Variants in GNB4 observed in about 807,000 individuals in gnomAD.
GNB4 encodes the protein G protein subunit beta 4.
GNB4 carries 28 observed loss-of-function variants against 45.2 expected under a neutral mutation model. The ratio of observed to expected loss-of-function variants is 0.62; its 90% CI spans 0.46 to 0.85. The LOEUF is 0.85. Ranked by LOEUF, GNB4 falls within the 40% of genes least tolerant of loss-of-function variation. The pLI, the probability that GNB4 is intolerant of heterozygous loss-of-function variation, is 0.00. For missense variants in GNB4, 321 were observed against 425.4 expected, an observed-to-expected ratio of 0.75 and a Z score of 2.16; for synonymous variants, 132 against 143.7, an observed-to-expected ratio of 0.92 and a Z score of 0.58.
intron 1 of GNB4, among the ~76,000 whole-genome samples, chr3:179,430,653 T>C (rs1046047172): frequency 2.0e-5 from 3 of 149,350 alleles, no homozygotes; most frequent in African/African-American, 7.4e-5. Context: ...AATAGTGTCT[T>C]GCTATGTTGC....
chr3:179,474,580 C>T, the GNB4 span, among the ~76,000 whole-genome samples: 1 of 151,954 alleles, frequency 6.6e-6, no homozygotes, highest in African/African-American at 2.4e-5. Context: ...GAAAACAATA[C>T]ATTTTTTGCT....
intron 4 of GNB4, among the ~76,000 whole-genome samples, chr3:179,417,920 A>C (rs903776729): frequency 1.6e-4 from 24 of 152,128 alleles, no homozygotes; most frequent in African/African-American, 5.6e-4. Flanking sequence ...ATTCTTTAGA[A>C]ATCAATTGGC....
At chr3:179,524,412 G>A in the GNB4 span, among the ~76,000 whole-genome samples, 1 of 152,260 alleles carries the variant, frequency 6.6e-6, no homozygotes, top group African/African-American at 2.4e-5. Context: ...TGATGGAGGA[G>A]GTCCTGTAGG....
chr3:179,504,672 G>A, the GNB4 span, among the ~76,000 whole-genome samples: 1 of 152,200 alleles, frequency 6.6e-6, no homozygotes, highest in African/African-American at 2.4e-5. Flanking sequence ...AGCTGCCCCT[G>A]ATAATAGAGT....
the GNB4 span, among the ~76,000 whole-genome samples, chr3:179,513,128 T>G: frequency 6.6e-6 from 1 of 151,830 alleles, no homozygotes; most frequent in Non-Finnish European, 1.5e-5. Flanking sequence ...TGGGTTGTAT[T>G]ACATATACTT....
chr3:179,439,739 C>T (rs1043269485), intron 1 of GNB4, among the ~76,000 whole-genome samples: 5 of 152,176 alleles, frequency 3.3e-5, no homozygotes, highest in African/African-American at 7.2e-5. Context: ...AATGTTTTCC[C>T]CTACCGATTT....
intron 4 of GNB4, among the ~76,000 whole-genome samples, chr3:179,419,056 TAG>T (rs1714899124): frequency 6.6e-6 from 1 of 152,250 alleles, no homozygotes. Flanking sequence ...AACTTGCACA[TAG>T]GTGTTCAATA....
intron 4 of GNB4, among the ~76,000 whole-genome samples, chr3:179,416,939 A>G (rs543091857): frequency 6.9e-4 from 105 of 152,330 alleles, no homozygotes; most frequent in African/African-American, 2.5e-3. Context: ...AAAAACACCA[A>G]TTGAGAGCCT....
At chr3:179,473,726 G>A in the GNB4 span, among the ~76,000 whole-genome samples, 2 of 152,120 alleles carry the variant, frequency 1.3e-5, no homozygotes, top group African/African-American at 2.4e-5. Context: ...CTAACTTCCC[G>A]TAGTTTACCC....
At chr3:179,503,500 G>C in the GNB4 span, among the ~76,000 whole-genome samples, 2 of 152,146 alleles carry the variant, frequency 1.3e-5, no homozygotes, top group African/African-American at 4.8e-5. Context: ...AAAGTATGCT[G>C]GTCTTCAATA....
chr3:179,521,003 A>C, the GNB4 span, among the ~76,000 whole-genome samples: 1 of 151,434 alleles, frequency 6.6e-6, no homozygotes, highest in African/African-American at 2.4e-5. Context: ...CTATTCTACT[A>C]CCCCTCAGAG....
chr3:179,420,872 G>T lies in GNB4; in HGVS notation c.96+17C>A, dbSNP rs1298086723. On this transcript the variant is annotated intron_variant, in intron 3 of 9. Coordinates refer to ENST00000232564, the MANE Select transcript of GNB4 (RefSeq NM_021629.4). Reference sequence around the variant, plus strand: ...TTATGAGTTACCAAAATGAAATAAAGAAAAACAAAACTTTACCTGAACAAG... The same window carrying T: ...TTATGAGTTACCAAAATGAAATAAATAAAAACAAAACTTTACCTGAACAAG... 3.2e-6 allele frequency: 5 copies of T among 1,543,250 alleles called. No individual in the cohort carries two copies. Among genetic ancestry groups the T allele is most frequent in the Admixed American group, 3.5e-5 (2 of 57,908 alleles).
the GNB4 span, among the ~76,000 whole-genome samples, chr3:179,458,156 G>T: frequency 3.9e-5 from 6 of 152,136 alleles, no homozygotes; most frequent in East Asian, 1.2e-3. Flanking sequence ...ACCCGCCTCG[G>T]TCTCCCAAAG....
At chr3:179,489,910 A>G in the GNB4 span, among the ~76,000 whole-genome samples, 4 of 152,230 alleles carry the variant, frequency 2.6e-5, no homozygotes, top group African/African-American at 9.6e-5. Flanking sequence ...ACAACACTTT[A>G]AACCCTATAA....
chr3:179,405,619 G>A (rs1032804933), intron 8 of GNB4: 11 of 505,810 alleles, frequency 2.2e-5, no homozygotes, highest in African/African-American at 1.7e-4. Context: ...AAAGTACACA[G>A]CCCATTGTTC....
the GNB4 span, among the ~76,000 whole-genome samples, chr3:179,472,812 CT>C: frequency 2.6e-5 from 4 of 152,130 alleles, no homozygotes; most frequent in Non-Finnish European, 5.9e-5. Context: ...CACTTTTTTC[CT>C]ACTCACTGCC....
chr3:179,469,836 A>G, the GNB4 span, among the ~76,000 whole-genome samples: 1 of 152,228 alleles, frequency 6.6e-6, no homozygotes, highest in Non-Finnish European at 1.5e-5. Context: ...GCAAAAACAT[A>G]CTAATGTTAA....
At chr3:179,476,608 G>T in the GNB4 span, among the ~76,000 whole-genome samples, 9 of 152,312 alleles carry the variant, frequency 5.9e-5, no homozygotes, top group African/African-American at 1.9e-4. Flanking sequence ...CTCTGAGATG[G>T]TGCTACCCTT....
the GNB4 span, among the ~76,000 whole-genome samples, chr3:179,471,119 C>T: frequency 6.7e-6 from 1 of 148,828 alleles, no homozygotes; most frequent in Non-Finnish European, 1.5e-5. Flanking sequence ...GCGGAGCTTG[C>T]AGTGAGTTGA....
Sources: allele counts gnomAD v4.1 joint callset (sites outside exome capture counted in the v4.1 genomes callset), GRCh38; gene constraint gnomAD v4.1.1; transcripts MANE v1.5; gene names NCBI Gene and HGNC (gene_info 2026-07-23, HGNC 2026-07-21).